Variants in EXD3 observed in about 807,000 individuals in gnomAD.
The protein encoded by EXD3 is exonuclease 3'-5' domain containing 3, also known as exonuclease mut-7 homolog.
A neutral mutation model predicts 98.0 loss-of-function variants in EXD3; 92 were observed. The observed-to-expected ratio is 0.94, with a 90% CI of 0.79 to 1.12. EXD3 has a LOEUF of 1.12. Among genes scored for constraint, EXD3 ranks in the 50% most tolerant of loss-of-function variants. The probability of loss-of-function intolerance (pLI) is 0.00; values close to 1 mark genes in which losing one functional copy is unlikely to be tolerated. For synonymous variants in EXD3, 569 were observed against 526.0 expected, an observed-to-expected ratio of 1.08 and a Z score of -1.12; for missense variants, 1,222 against 1,191.6, an observed-to-expected ratio of 1.03 and a Z score of -0.38.
chr9:137,318,565 C>T (rs1194878511), intron 19 of EXD3, among the ~76,000 whole-genome samples: 1 of 152,074 alleles, frequency 6.6e-6, no homozygotes, highest in Non-Finnish European at 1.5e-5. Context: ...TAAGCTTGAG[C>T]TTCTTTGATA....
At chr9:137,308,634 C>CTTT (rs572242584) in intron 20 of EXD3, among the ~76,000 whole-genome samples, 2 of 135,956 alleles carry the variant, frequency 1.5e-5, no homozygotes, top group Non-Finnish European at 1.6e-5. Flanking sequence ...TGGACTGACC[C>CTTT]TTTTTTTTTT....
chr9:137,412,154 C>T (rs942736005), intron 1 of EXD3, among the ~76,000 whole-genome samples: 2 of 152,210 alleles, frequency 1.3e-5, no homozygotes, highest in South Asian at 2.1e-4. Context: ...GGCTGGAGGC[C>T]GGCCTGAGAC....
At chr9:137,376,323 G>A (rs373675673) in intron 3 of EXD3, among the ~76,000 whole-genome samples, 1 of 122,288 alleles carries the variant, frequency 8.2e-6, no homozygotes, top group African/African-American at 3.3e-5. Flanking sequence ...CAGCCTGGGC[G>A]ACAGAGCAAG....
intron 2 of EXD3, chr9:137,392,607 T>C (rs17855944): frequency 0.43 from 122,323 of 282,474 alleles, 27,591 homozygotes; most frequent in Non-Finnish European, 0.49. Context: ...ACACGAACCA[T>C]GTAAGGGCAG....
chr9:137,408,983 G>A (rs1454039395), intron 1 of EXD3, among the ~76,000 whole-genome samples: 2 of 152,214 alleles, frequency 1.3e-5, no homozygotes, highest in African/African-American at 2.4e-5. Context: ...GGGGGCAGTC[G>A]GCCTGTCCCT....
chr9:137,328,622 C>G (rs1439102732), intron 17 of EXD3, among the ~76,000 whole-genome samples: 17 of 67,774 alleles, frequency 2.5e-4, no homozygotes, highest in Non-Finnish European at 2.2e-4. Context: ...CTACACGGGA[C>G]TACACGGGAC....
In EXD3 at chr9:137,389,135, C is replaced by T. The variant is rs185927510; in HGVS notation, c.56-5758G>A. 3.1e-3 allele frequency among the ~76,000 whole-genome samples: 465 copies of T among 152,342 alleles called. 2 individuals are homozygous for T. The highest frequency in any genetic ancestry group is 9.0e-3 in the African/African-American group (375 of 41,588). ...GATGGGGCCACCCCCTCCAGCCCAA[C>T]CGTCTCTGGTCTCAGATTCCACCCA... On this transcript the variant is annotated intron_variant, in intron 2 of 21. Transcript: ENST00000340951.
Position 137,329,189 on chromosome 9 carries a change from T to G in EXD3, c.1999-5046A>C, listed in dbSNP as rs1387463133. On this transcript the variant is annotated intron_variant, in intron 17 of 21. Transcript: ENST00000340951. ...GGGCTACACGGGAGCTACACGGGAC[T>G]ACACGGGGCTACACGGGGCTACACG... 3.6e-4 allele frequency among the ~76,000 whole-genome samples: 4 copies of G among 11,260 alleles called. 1 individual carries two copies. The highest frequency in any genetic ancestry group is 2.7e-3 in the African/African-American group (2 of 748). 7.4% of individuals were successfully genotyped at this position (11,260 alleles called of 152,430 possible).
Position 137,376,856 on chromosome 9 carries a change from G to A in EXD3, c.121-3257C>T, listed in dbSNP as rs866053755. Among the ~76,000 whole-genome samples the A allele has an allele frequency of 3.3e-5, 5 of 151,292 alleles. No homozygotes were observed. In the East Asian group the frequency reaches 9.7e-4, roughly 29 times the overall value. On this transcript the variant is annotated intron_variant, in intron 3 of 21. Coordinates refer to ENST00000340951, the MANE Select transcript of EXD3 (RefSeq NM_017820.5). ...AGGCAGGAGAATTGCTTAAACTTGG[G>A]AGGCGGAGGTCGCGGTGAGCCGAGA...
chr9:137,354,465 G>T (rs1227444442), intron 9 of EXD3, 88 bp from the exon 10 acceptor site: 24 of 1,588,440 alleles, frequency 1.5e-5, no homozygotes, highest in Non-Finnish European at 2.1e-5. Context: ...ACCCCTGGCA[G>T]GGTACATCCT....
chr9:137,371,518 G>A lies in EXD3; in HGVS notation c.462+1387C>T, dbSNP rs141761153. ...GAGGAACCCAGGGTGCCATCGGGAC[G>A]GCGTCTCAGCAGCAGGGTCCCACGT... On this transcript the variant is annotated intron_variant, in intron 5 of 21. Transcript: ENST00000340951. The surrounding 1 kb of genome is among the most constrained non-coding windows in gnomAD (Gnocchi z 8.0). Among the ~76,000 whole-genome samples, 150 of 152,216 alleles carry A rather than the reference G, an allele frequency of 9.9e-4. No individual in the cohort carries two copies. The highest frequency in any genetic ancestry group is 3.2e-3 in the African/African-American group (134 of 41,546).
intron 7 of EXD3, among the ~76,000 whole-genome samples, chr9:137,364,450 C>T (rs1835122414): frequency 6.6e-6 from 1 of 151,798 alleles, no homozygotes; most frequent in Non-Finnish European, 1.5e-5. Context: ...GGTGGAACCC[C>T]GTCTCTACTA....
chr9:137,390,293 G>C lies in EXD3; in HGVS notation c.55+5010C>G, dbSNP rs1437579841. On this transcript the variant is annotated intron_variant, in intron 2 of 21. Transcript: ENST00000340951. Reference sequence around the variant, plus strand: ...AAAAAATACAAAAAATTAGCCGGGAGTGGCGGCGGGCACCTGTAGTCCCAG... The same window carrying C: ...AAAAAATACAAAAAATTAGCCGGGACTGGCGGCGGGCACCTGTAGTCCCAG... Among the ~76,000 whole-genome samples the C allele has an allele frequency of 4.9e-3, 735 of 149,842 alleles. 12 individuals carry two copies. The highest frequency in any genetic ancestry group is 0.017 in the African/African-American group (684 of 40,284).
chr9:137,318,742 G>A (rs575291543), intron 19 of EXD3, among the ~76,000 whole-genome samples: 1 of 152,238 alleles, frequency 6.6e-6, no homozygotes, highest in South Asian at 2.1e-4. Context: ...TGGCTCAGGG[G>A]CACACGTGGG....
intron 1 of EXD3, among the ~76,000 whole-genome samples, chr9:137,419,963 T>A (rs180734040): frequency 3.9e-5 from 6 of 151,910 alleles, no homozygotes; most frequent in African/African-American, 1.5e-4. Flanking sequence ...ATCGAGACCA[T>A]CCTGGCTAAT....
At chr9:137,327,521 T>C (rs1832496007) in intron 17 of EXD3, among the ~76,000 whole-genome samples, 1 of 152,098 alleles carries the variant, frequency 6.6e-6, no homozygotes, top group Admixed American at 6.6e-5. Context: ...TGCCACTGAA[T>C]TGTACACTTA....
intron 16 of EXD3, 39 bp from the exon 17 acceptor site, chr9:137,348,277 C>A: frequency 6.3e-7 from 1 of 1,585,626 alleles, no homozygotes; most frequent in Non-Finnish European, 8.6e-7. Context: ...ACGGTCACCC[C>A]CCAGCCCCTC....
At chr9:137,374,612 AT>A in intron 3 of EXD3, 1 of 985,404 alleles carries the variant, frequency 1.0e-6, no homozygotes, top group Non-Finnish European at 1.2e-6. Context: ...GCACACGCAC[AT>A]GAGTGTGTGA....
At position 137,412,572 on chromosome 9, in the gene EXD3, G is replaced by A. The variant is rs542684935; in HGVS notation, c.-48+10542C>T. On this transcript the variant is annotated intron_variant, in intron 1 of 21. Transcript: ENST00000340951. ...TGGGAACCAGAAACATTCCACATGG[G>A]ACAGGGTGGATACCCCAGAGCCCCC... Among the ~76,000 whole-genome samples, 49 of 152,198 alleles carry A rather than the reference G, an allele frequency of 3.2e-4. 1 individual carries two copies. The highest frequency in any genetic ancestry group is 1.1e-3 in the African/African-American group (44 of 41,516).
Sources: gnomAD v4.1 joint callset for allele counts (sites outside exome capture counted in the v4.1 genomes callset) on GRCh38, gnomAD v4.1.1 for gene constraint, Gnocchi (gnomAD v3.1) non-coding constraint, MANE v1.5 for transcripts, NCBI Gene and HGNC (gene_info 2026-07-23, HGNC 2026-07-21) for gene names.